PSD4: variants seen among roughly 807,000 people sequenced by gnomAD.
PSD4 encodes PH and SEC7 domain-containing protein 4.
In PSD4, 59 loss-of-function variants were observed where a neutral mutation model predicts 112.5. The ratio of observed to expected loss-of-function variants is 0.52; its 90% confidence interval spans 0.43 to 0.65. The LOEUF (loss-of-function observed/expected upper bound fraction) is 0.65, where lower values mean the gene tolerates loss of function less well. PSD4 is among the 30% of genes least tolerant of loss of function. The probability of loss-of-function intolerance (pLI) is 0.00; values close to 1 mark genes in which losing one functional copy is unlikely to be tolerated. For synonymous variants in PSD4, 533 were observed against 540.0 expected, an observed-to-expected ratio of 0.99 and a Z score of 0.18; for missense variants, 1,267 against 1,352.6, an observed-to-expected ratio of 0.94 and a Z score of 0.99.
At position 113,198,638 on chromosome 2, in the gene PSD4, T is replaced by TGAGCAGCTGGCCAGCTGTGC. The variant is rs1214059420; in HGVS notation, c.2625-101_2625-82dup. 24 of 1,379,750 alleles carry TGAGCAGCTGGCCAGCTGTGC rather than the reference T, an allele frequency of 1.7e-5. No individual in the cohort carries two copies. In the East Asian group the frequency reaches 5.7e-4, roughly 33 times the overall value. The allele number at this position is 1,379,750 out of a possible 1,614,324, so 85.5% of individuals were successfully genotyped here. A position where few individuals can be genotyped will look rare whatever the true frequency, so the allele number is the denominator to read the frequency against. ...GCTGTAACTATGGGAGGCTGAGTTC[T>TGAGCAGCTGGCCAGCTGTGC]GAGCAGCTGGCCAGCTGTGCAAGCA... On this transcript the variant is annotated intron_variant, in intron 14 of 16. Coordinates refer to ENST00000245796, the MANE Select transcript of PSD4 (RefSeq NM_012455.3).
At chr2:113,184,527 C>A (rs1688237314) in intron 2 of PSD4, among the ~76,000 whole-genome samples, 1 of 152,050 alleles carries the variant, frequency 6.6e-6, no homozygotes, top group Non-Finnish European at 1.5e-5. Context: ...GTGTGTGCCA[C>A]CCCACCCAGC....
In PSD4 at chr2:113,196,206, T is replaced by C; in HGVS notation, c.2285T>C (p.Met762Thr). The change falls in exon 12 of 17, where the codon ATG becomes ACG. Residue 762 changes from methionine (M) to threonine (T), a missense_variant. This residue lies in a region of PSD4 where 544 missense variants were observed against 648.6 expected (regional missense o/e 0.84). Transcript: ENST00000245796. ...KAQPSLPAGK[M>T]SKPFLQLAQD... ...CAGCCGTCCCTGCCAGCTGGCAAGATGAGCAAGCCCTTCCTTCAGCTGGCT... is the reference window on the plus strand; with the variant it reads ...CAGCCGTCCCTGCCAGCTGGCAAGACGAGCAAGCCCTTCCTTCAGCTGGCT... The C allele has an allele frequency of 1.9e-6, 3 of 1,614,012 alleles. No homozygotes were observed. Among genetic ancestry groups the C allele is most frequent in the South Asian group, 1.1e-5 (1 of 91,084 alleles).
chr2:113,181,297 C>A (rs1688132063), intron 1 of PSD4, among the ~76,000 whole-genome samples: 1 of 152,018 alleles, frequency 6.6e-6, no homozygotes, highest in Non-Finnish European at 1.5e-5. Flanking sequence ...TGTACTTGAC[C>A]CTGCACTTCC....
In PSD4 at chr2:113,186,264, C is replaced by A; in HGVS notation, c.1628+9C>A. ...CTGACTTCTGCAGAACAGTAAGTCT[C>A]AGACTAACTGGCTCTCATGCTCCTA... On this transcript the variant is annotated intron_variant, in intron 5 of 16. Transcript: ENST00000245796. The A allele has an allele frequency of 6.4e-7, 1 of 1,558,352 alleles. No homozygotes were observed. Among genetic ancestry groups the A allele is most frequent in the South Asian group, 1.2e-5 (1 of 81,866 alleles).
intron 5 of PSD4, among the ~76,000 whole-genome samples, chr2:113,187,287 T>C (rs1322335689): frequency 6.6e-6 from 1 of 152,234 alleles, no homozygotes; most frequent in African/African-American, 2.4e-5. Context: ...TTTTCTCCAA[T>C]GCAAGGCACG....
At chr2:113,187,130 C>T (rs1394623410) in intron 5 of PSD4, among the ~76,000 whole-genome samples, 2 of 152,198 alleles carry the variant, frequency 1.3e-5, no homozygotes, top group Non-Finnish European at 2.9e-5. Context: ...CTTAGCCTGG[C>T]CTGGGACCAG....
At position 113,197,652 on chromosome 2, in the gene PSD4, A is replaced by G. The variant is rs779501937; in HGVS notation, c.2457+18A>G. 6.2e-7 allele frequency: 1 copy of G among 1,614,116 alleles called. No individual in the cohort carries two copies. Among genetic ancestry groups the G allele is most frequent in the Non-Finnish European group, 8.5e-7 (1 of 1,179,982 alleles). ...TCCTGAAGGTAGGAAAGGAGCCAAC[A>G]CCCCTGTCAGAATGGGAGACTGAGA... On this transcript the variant is annotated intron_variant, in intron 13 of 16. Coordinates refer to ENST00000245796, the MANE Select transcript of PSD4 (RefSeq NM_012455.3).
At chr2:113,195,793 T>C (rs369182107) in intron 11 of PSD4, 23 bp downstream of exon 11, 5 of 1,613,796 alleles carry the variant, frequency 3.1e-6, no homozygotes, top group Non-Finnish European at 4.2e-6. Flanking sequence ...CCCTTTCCCC[T>C]CTCCCTCTCA....
At chr2:113,198,607 G>C in intron 14 of PSD4, 133 bp from the exon 15 acceptor site, 1 of 1,113,970 alleles carries the variant, frequency 9.0e-7, no homozygotes, top group Non-Finnish European at 1.2e-6. Flanking sequence ...CCCGGCTAGT[G>C]GCAGGGCTGT....
intron 1 of PSD4, among the ~76,000 whole-genome samples, chr2:113,181,526 T>TCTGCACACAGAGTTAGTGCAGGTTA (rs1244086653): frequency 6.6e-6 from 1 of 152,178 alleles, no homozygotes; most frequent in Non-Finnish European, 1.5e-5. Context: ...TAGTGCAGGC[T>TCTGCACACAGAGTTAGTGCAGGTTA]GTGCACACAG....
chr2:113,208,051 C>G lies in PSD4; in HGVS notation c.*6636C>G, dbSNP rs1558667481. On this transcript the variant is annotated 3_prime_UTR_variant, in exon 17 of 17. Coordinates refer to ENST00000245796, the MANE Select transcript of PSD4 (RefSeq NM_012455.3). Reference sequence around the variant, plus strand: ...TACAGGCATGCACCACCACACCCAGCTAATCTTTGTATTTTCAGTAGAGAT... The same window carrying G: ...TACAGGCATGCACCACCACACCCAGGTAATCTTTGTATTTTCAGTAGAGAT... 6.6e-6 allele frequency: 1 copy of G among 152,148 alleles called. No homozygotes were observed. The allele number at this position is 152,148 out of a possible 1,614,324, so 9.4% of individuals were successfully genotyped here. A position where few individuals can be genotyped will look rare whatever the true frequency, so the allele number is the denominator to read the frequency against.
At position 113,203,130 on chromosome 2, in the gene PSD4, CATTT is replaced by C. The variant is rs537120765; in HGVS notation, c.*1719_*1722del. On this transcript the variant is annotated 3_prime_UTR_variant, in exon 17 of 17. Coordinates refer to ENST00000245796, the MANE Select transcript of PSD4 (RefSeq NM_012455.3). ...AGAATCATTCATTCACCTACTTGCT[CATTT>C]ATTCATTCATTCATTTTGCAGATAA... is the stretch of plus-strand genomic sequence containing the variant. 1.0e-4 allele frequency: 16 copies of C among 152,396 alleles called. No individual in the cohort carries two copies. In the East Asian group the frequency reaches 2.7e-3, roughly 26 times the overall value. The allele number at this position is 152,396 out of a possible 1,614,324, so 9.4% of individuals were successfully genotyped here.
chr2:113,198,035 A>G, intron 14 of PSD4, 122 bp downstream of exon 14: 3 of 1,188,868 alleles, frequency 2.5e-6, no homozygotes. Flanking sequence ...TGGCCGTATG[A>G]TCAGAAATTC....
chr2:113,196,615 G>A (rs926239127), intron 12 of PSD4: 3 of 287,326 alleles, frequency 1.0e-5, no homozygotes, highest in Non-Finnish European at 1.3e-5. Flanking sequence ...AGAGCTGAGT[G>A]TCTAGGGGCT....
chr2:113,186,940 G>A (rs1437121582), intron 5 of PSD4, among the ~76,000 whole-genome samples: 1 of 152,204 alleles, frequency 6.6e-6, no homozygotes, highest in Admixed American at 6.5e-5. Context: ...GGCTGAATGT[G>A]AGTCATGTTA....
chr2:113,197,653 C>A lies in PSD4; in HGVS notation c.2457+19C>A. ...CCTGAAGGTAGGAAAGGAGCCAACACCCCTGTCAGAATGGGAGACTGAGAG... is the reference window on the plus strand; with the variant it reads ...CCTGAAGGTAGGAAAGGAGCCAACAACCCTGTCAGAATGGGAGACTGAGAG... On this transcript the variant is annotated intron_variant, in intron 13 of 16. Coordinates refer to ENST00000245796, the MANE Select transcript of PSD4 (RefSeq NM_012455.3). 4 of 1,614,118 alleles carry A rather than the reference C, an allele frequency of 2.5e-6. No individual in the cohort carries two copies. The highest frequency in any genetic ancestry group is 1.3e-5 in the African/African-American group (1 of 75,050).
chr2:113,188,953 G>A (rs1008561728), intron 5 of PSD4, among the ~76,000 whole-genome samples: 1 of 152,086 alleles, frequency 6.6e-6, no homozygotes, highest in East Asian at 1.9e-4. Context: ...AGCAGTGTTT[G>A]GTTGCATGAA....
intron 12 of PSD4, 175 bp from the exon 13 acceptor site, chr2:113,197,389 T>A: frequency 1.4e-6 from 1 of 702,358 alleles, no homozygotes; most frequent in Non-Finnish European, 2.5e-6. Flanking sequence ...CTCTATATGT[T>A]TGTTTACGAT....
chr2:113,194,057 A>G, intron 10 of PSD4, 109 bp downstream of exon 10: 1 of 1,013,766 alleles, frequency 9.9e-7, no homozygotes, highest in Non-Finnish European at 1.5e-6. Context: ...AATATCCTTG[A>G]GAGAACAGGA....
Sources: allele counts gnomAD v4.1 joint callset (sites outside exome capture counted in the v4.1 genomes callset), GRCh38; gene constraint gnomAD v4.1.1; regional missense constraint gnomAD v4.1.1; transcripts MANE v1.5; gene names NCBI Gene and HGNC (gene_info 2026-07-23, HGNC 2026-07-21).